Variants in GALNT18 observed in about 807,000 individuals in gnomAD.
GALNT18 encodes the protein GalNAc-transferase 18.
A neutral mutation model predicts 69.5 loss-of-function variants in GALNT18; 44 were observed. That is an observed-to-expected ratio of 0.63 (90% CI 0.50 to 0.81). The LOEUF (loss-of-function observed/expected upper bound fraction) is 0.81, where lower values mean the gene tolerates loss of function less well. Among genes scored for constraint, GALNT18 ranks in the 40% least tolerant of loss-of-function variants. The probability of loss-of-function intolerance (pLI) is 0.00; values close to 1 mark genes in which losing one functional copy is unlikely to be tolerated. For missense variants in GALNT18, 715 were observed against 810.0 expected (o/e 0.88, Z 1.42); for synonymous variants, 364 against 318.2 (o/e 1.14, Z -1.53).
rs1047630400 is a variant in GALNT18 at position 11,312,147 on chromosome 11, G to A, written c.1512+14939C>T. ...AATTTTTTGTATTTTTAGTAGAGAC[G>A]GGGTCTCACTGTGTTAGCCAGAATG... On this transcript the variant is annotated intron_variant, in intron 9 of 10. Transcript: ENST00000227756. Among the ~76,000 whole-genome samples, 5 of 151,956 alleles carry A rather than the reference G, an allele frequency of 3.3e-5. No homozygotes were observed. In the South Asian group the frequency reaches 6.2e-4, roughly 19 times the overall value.
chr11:11,593,061 A>G (rs532062339), intron 1 of GALNT18, among the ~76,000 whole-genome samples: 80 of 151,590 alleles, frequency 5.3e-4, no homozygotes, highest in Admixed American at 2.0e-3. Flanking sequence ...GACTACAGGC[A>G]CCCCCCAACG....
In GALNT18 at chr11:11,368,648, T is replaced by A. The variant is rs1263444064; in HGVS notation, c.1092+3867A>T. 2.0e-5 allele frequency among the ~76,000 whole-genome samples: 3 copies of A among 152,232 alleles called. No individual in the cohort carries two copies. In the East Asian group the frequency reaches 5.8e-4, roughly 29 times the overall value. ...GCCGTTCTGCCCATCTGTTGAGCTT[T>A]TGTCTTTCTTACATTTTTCATGTTT... On this transcript the variant is annotated intron_variant, in intron 6 of 10. Transcript: ENST00000227756.
intron 6 of GALNT18, chr11:11,353,465 G>A (rs921679884): frequency 4.2e-5 from 17 of 406,446 alleles, no homozygotes; most frequent in African/African-American, 2.8e-4. Flanking sequence ...TTGTGGACAT[G>A]CTTGTGCTAT....
intron 3 of GALNT18, among the ~76,000 whole-genome samples, chr11:11,411,649 G>A (rs1051040219): frequency 3.3e-5 from 5 of 152,206 alleles, no homozygotes; most frequent in Non-Finnish European, 4.4e-5. Flanking sequence ...ATCTTGGCAT[G>A]GGACAATATT....
intron 1 of GALNT18, among the ~76,000 whole-genome samples, chr11:11,566,168 G>A (rs1590104718): frequency 6.6e-6 from 1 of 152,180 alleles, no homozygotes; most frequent in Admixed American, 6.5e-5. Context: ...AAACGTTAAT[G>A]CACAGGTTGG....
chr11:11,584,441 G>T lies in GALNT18; in HGVS notation c.235+36918C>A, dbSNP rs1056306203. ...GATGGGAGATGCCGTAAGAGAAATG[G>T]GTTCCTATTCTCCAGTGCATTTCAA... On this transcript the variant is annotated intron_variant, in intron 1 of 10. Transcript: ENST00000227756. This position sits in a 1 kb window ranked among gnomAD's most constrained non-coding sequence, Gnocchi z 4.1. 1.3e-5 allele frequency among the ~76,000 whole-genome samples: 2 copies of T among 152,150 alleles called. No homozygotes were observed. Among genetic ancestry groups the T allele is most frequent in the South Asian group, 2.1e-4 (1 of 4,822 alleles).
intron 1 of GALNT18, among the ~76,000 whole-genome samples, chr11:11,534,099 G>C (rs534383508): frequency 6.6e-6 from 1 of 152,344 alleles, no homozygotes; most frequent in South Asian, 2.1e-4. Flanking sequence ...CGAGTGGCTT[G>C]CCCAAGGTCA....
rs1024411770 is a variant in GALNT18, at chr11:11,606,507, C to T, written c.235+14852G>A. The stretch of plus-strand genomic sequence containing the variant: ...TCTCCTTGACATAAAATATCTGCCC[C>T]TCCTCTATCCGAATCATCACTCTGG... On this transcript the variant is annotated intron_variant, in intron 1 of 10. Transcript: ENST00000227756. This position sits in a 1 kb window ranked among gnomAD's most constrained non-coding sequence, Gnocchi z 5.4. 8.5e-5 allele frequency among the ~76,000 whole-genome samples: 13 copies of T among 152,130 alleles called. No homozygotes were observed. The highest frequency in any genetic ancestry group is 2.7e-4 in the African/African-American group (11 of 41,422).
rs1363166197 is a variant in GALNT18 at position 11,564,848 on chromosome 11, T to G, written c.235+56511A>C. On this transcript the variant is annotated intron_variant, in intron 1 of 10. Transcript: ENST00000227756. This position sits in a 1 kb window ranked among gnomAD's most constrained non-coding sequence, Gnocchi z 4.3. ...TAAGTCAAACTAGCTACATTTCAAG[T>G]GTTCATAAGTGGCCTGTGTCTGCTC... Among the ~76,000 whole-genome samples, 2 of 152,200 alleles carry G rather than the reference T, an allele frequency of 1.3e-5. No homozygotes were observed. Among genetic ancestry groups the G allele is most frequent in the Non-Finnish European group, 2.9e-5 (2 of 68,032 alleles).
chr11:11,481,630 C>T (rs1201968557), intron 1 of GALNT18, among the ~76,000 whole-genome samples: 1 of 152,126 alleles, frequency 6.6e-6, no homozygotes, highest in African/African-American at 2.4e-5. Context: ...CTCTGGCCTG[C>T]CCTAGTGTAG....
intron 3 of GALNT18, among the ~76,000 whole-genome samples, chr11:11,417,859 A>G (rs1854901644): frequency 6.6e-6 from 1 of 152,202 alleles, no homozygotes; most frequent in Non-Finnish European, 1.5e-5. Flanking sequence ...CAGCGTTCTC[A>G]TCTGTGAAAT....
intron 3 of GALNT18, among the ~76,000 whole-genome samples, chr11:11,409,335 C>T (rs182235579): frequency 6.7e-4 from 102 of 152,284 alleles, no homozygotes; most frequent in African/African-American, 2.3e-3. Flanking sequence ...GTCTGTATCC[C>T]TGTCCTCCCA....
At chr11:11,483,296 G>C (rs1590042447) in intron 1 of GALNT18, among the ~76,000 whole-genome samples, 1 of 152,186 alleles carries the variant, frequency 6.6e-6, no homozygotes, top group African/African-American at 2.4e-5. Flanking sequence ...TCCCCCGGCT[G>C]TAAGAAGCCC....
Position 11,419,633 on chromosome 11 carries a change from A to G in GALNT18, c.595+12988T>C, listed in dbSNP as rs182523245. Among the ~76,000 whole-genome samples, 26 of 151,670 alleles carry G rather than the reference A, an allele frequency of 1.7e-4. No homozygotes were observed. In the East Asian group the frequency reaches 3.5e-3, roughly 20 times the overall value. On this transcript the variant is annotated intron_variant, in intron 3 of 10. Coordinates refer to ENST00000227756, the MANE Select transcript of GALNT18 (RefSeq NM_198516.3). ...AAAAAAAAAAAAAAAGAAAGAAGGA[A>G]AAGAAACCATGCAAACTTTAACATA...
rs1850033144 is a variant in GALNT18, at chr11:11,332,470, T to C, written c.1416+224A>G. Among the ~76,000 whole-genome samples, 3 of 152,148 alleles carry C rather than the reference T, an allele frequency of 2.0e-5. No individual in the cohort carries two copies. Among genetic ancestry groups the C allele is most frequent in the Admixed American group, 6.5e-5 (1 of 15,280 alleles). On this transcript the variant is annotated intron_variant, in intron 8 of 10. Coordinates refer to ENST00000227756, the MANE Select transcript of GALNT18 (RefSeq NM_198516.3). The surrounding 1 kb of genome is among the most constrained non-coding windows in gnomAD (Gnocchi z 4.3). The stretch of plus-strand genomic sequence containing the variant: ...AGGTGTGGGGCCAGAGCTGAATTGC[T>C]TAGGACTATAAAGGAGAGACAAGTA...
chr11:11,334,429 G>C (rs543127739), intron 7 of GALNT18, among the ~76,000 whole-genome samples: 5 of 151,952 alleles, frequency 3.3e-5, no homozygotes, highest in Non-Finnish European at 7.4e-5. Flanking sequence ...TGTAGTCCCA[G>C]CTACATGGGA....
At chr11:11,517,434 A>T (rs1247253489) in intron 1 of GALNT18, among the ~76,000 whole-genome samples, 3 of 152,216 alleles carry the variant, frequency 2.0e-5, no homozygotes, top group Non-Finnish European at 4.4e-5. Context: ...CCTGGGAAAA[A>T]ATAAAGAGGG....
chr11:11,276,123 A>C (rs1352111292), intron 10 of GALNT18, among the ~76,000 whole-genome samples: 1 of 152,216 alleles, frequency 6.6e-6, no homozygotes, highest in Non-Finnish European at 1.5e-5. Flanking sequence ...TGCTTTGGGC[A>C]GTATGGCCAT....
At chr11:11,298,252 G>A (rs1450293442) in intron 9 of GALNT18, among the ~76,000 whole-genome samples, 1 of 152,248 alleles carries the variant, frequency 6.6e-6, no homozygotes. Context: ...CTTCAGGAAG[G>A]GAAGGAAGAG....
Sources: gnomAD v4.1 joint callset for allele counts (sites outside exome capture counted in the v4.1 genomes callset) on GRCh38, gnomAD v4.1.1 for gene constraint, Gnocchi (gnomAD v3.1) non-coding constraint, MANE v1.5 for transcripts, NCBI Gene and HGNC (gene_info 2026-07-23, HGNC 2026-07-21) for gene names.